Variants in NPHP4 observed in about 807,000 individuals in gnomAD.
The protein encoded by NPHP4 is nephrocystin 4, also known as nephrocystin-4.
In NPHP4, 151 loss-of-function variants were observed where a neutral mutation model predicts 155.8. The observed-to-expected ratio is 0.97, with a 90% CI of 0.85 to 1.11. The LOEUF (loss-of-function observed/expected upper bound fraction) is 1.11, where lower values mean the gene tolerates loss of function less well. NPHP4 is among the 50% of genes least tolerant of loss of function. NPHP4 has a pLI of 0.00. For synonymous variants in NPHP4, 845 were observed against 816.8 expected (o/e 1.03, Z -0.59); for missense variants, 1,956 against 1,925.7 (o/e 1.02, Z -0.29).
chr1:5,983,213 T>C (rs943133719), intron 2 of NPHP4, among the ~76,000 whole-genome samples: 2 of 152,222 alleles, frequency 1.3e-5, no homozygotes, highest in East Asian at 1.9e-4. Context: ...AATCTGAATA[T>C]AGTTCCCTTT....
intron 7 of NPHP4, among the ~76,000 whole-genome samples, chr1:5,948,824 A>C (rs978534834): frequency 1.3e-5 from 2 of 152,228 alleles, no homozygotes; most frequent in East Asian, 3.8e-4. Context: ...AAACAGAACC[A>C]GCCCCAAAGT....
chr1:5,985,450 G>A (rs1445214373), intron 2 of NPHP4, among the ~76,000 whole-genome samples: 1 of 152,220 alleles, frequency 6.6e-6, no homozygotes, highest in African/African-American at 2.4e-5. Context: ...CCAAGGCCGT[G>A]GTACATCCAG....
chr1:5,953,392 C>A (rs1570613533), intron 6 of NPHP4, among the ~76,000 whole-genome samples: 2 of 152,214 alleles, frequency 1.3e-5, no homozygotes, highest in Non-Finnish European at 2.9e-5. Flanking sequence ...GCGTGAGCCA[C>A]CACACCTGGC....
chr1:5,870,368 T>C (rs145224221), intron 23 of NPHP4, among the ~76,000 whole-genome samples: 11 of 152,220 alleles, frequency 7.2e-5, no homozygotes, highest in Non-Finnish European at 1.5e-4. Flanking sequence ...TTCATAAGGA[T>C]ATAAAAAGTA....
chr1:5,873,409 C>A, intron 22 of NPHP4, 74 bp from the exon 23 acceptor site: 1 of 1,178,168 alleles, frequency 8.5e-7, no homozygotes, highest in South Asian at 1.2e-5. Context: ...CTTAGAGACA[C>A]CACTGCCACC....
chr1:5,891,724 T>C (rs1270001077), intron 16 of NPHP4, among the ~76,000 whole-genome samples: 1 of 152,240 alleles, frequency 6.6e-6, no homozygotes, highest in Non-Finnish European at 1.5e-5. Context: ...CTATCAATAA[T>C]GGTGACAACA....
intron 3 of NPHP4, among the ~76,000 whole-genome samples, chr1:5,976,926 G>C (rs996375313): frequency 1.3e-5 from 2 of 152,136 alleles, no homozygotes; most frequent in Non-Finnish European, 2.9e-5. Context: ...TGGTTACCTA[G>C]AGTAACGTCT....
chr1:5,912,456 T>C (rs551100644), intron 11 of NPHP4, among the ~76,000 whole-genome samples: 6 of 144,916 alleles, frequency 4.1e-5, no homozygotes, highest in African/African-American at 1.5e-4. Context: ...GAGAATGGCG[T>C]GAACCCGGGA....
chr1:5,876,672 A>G, intron 20 of NPHP4: 1 of 160,268 alleles, frequency 6.2e-6, no homozygotes, highest in Non-Finnish European at 1.4e-5. Context: ...TCTTAGTAGC[A>G]AAATATTAAA....
Position 5,905,894 on chromosome 1 carries a change from C to T in NPHP4, c.1612-111G>A. 7.2e-6 allele frequency: 7 copies of T among 967,636 alleles called. No individual in the cohort carries two copies. The highest frequency in any genetic ancestry group is 1.1e-5 in the Non-Finnish European group (7 of 657,024). 59.9% of individuals were successfully genotyped at this position (967,636 alleles called of 1,614,324 possible). A position where few individuals can be genotyped will look rare whatever the true frequency, so the allele number is the denominator to read the frequency against. On this transcript the variant is annotated intron_variant, in intron 13 of 29. Coordinates refer to ENST00000378156, the MANE Select transcript of NPHP4 (RefSeq NM_015102.5). This position sits in a 1 kb window ranked among gnomAD's most constrained non-coding sequence, Gnocchi z 4.0. Reference sequence around the variant, plus strand: ...CGATTAATTGCCTCTGGAGGGTTGCCAGCTCTAGCAAATACAAAAGGTTCA... The same window carrying T: ...CGATTAATTGCCTCTGGAGGGTTGCTAGCTCTAGCAAATACAAAAGGTTCA...
intron 19 of NPHP4, among the ~76,000 whole-genome samples, chr1:5,877,730 T>C (rs926071743): frequency 2.0e-5 from 3 of 151,978 alleles, no homozygotes; most frequent in Non-Finnish European, 2.9e-5. Flanking sequence ...CTTCAGTGAG[T>C]GGGGGGCAGG....
chr1:5,988,113 A>G (rs1250240656), intron 1 of NPHP4, among the ~76,000 whole-genome samples: 7 of 152,262 alleles, frequency 4.6e-5, no homozygotes, highest in Non-Finnish European at 7.3e-5. Context: ...TCCTGCAAGA[A>G]GAAAACATCC....
Position 5,959,088 on chromosome 1 carries a change from C to A in NPHP4, c.673+2706G>T, listed in dbSNP as rs148701335. ...TTGCTGAGATACCTATCCTTTCTCT[C>A]CGAAAGGCGCATACGACCCTTACCT... On this transcript the variant is annotated intron_variant, in intron 6 of 29. Transcript: ENST00000378156. Among the ~76,000 whole-genome samples, 42 of 152,150 alleles carry A rather than the reference C, an allele frequency of 2.8e-4. No homozygotes were observed. In the East Asian group the frequency reaches 8.1e-3, roughly 29 times the overall value.
rs1570058481 is a variant in NPHP4, at chr1:5,867,060, G to A, written c.3528C>T (p.Asp1176=). Residue 1176 remains aspartate, a synonymous_variant, in exon 25 of 30, where the codon GAC becomes GAT. Coordinates refer to ENST00000378156, the MANE Select transcript of NPHP4 (RefSeq NM_015102.5). The surrounding 1 kb of genome is among the most constrained non-coding windows in gnomAD (Gnocchi z 4.1). ...TCTGGGTCTCACAGATGACGTTCGG[G>A]TCGCTGCAGCGAACATGGACTGGGG... ...EDPPVHVRCS[D]PNVICETQNV... is the part of the protein sequence containing the mutation. The A allele has an allele frequency of 6.2e-7, 1 of 1,613,122 alleles. No homozygotes were observed. Among genetic ancestry groups the A allele is most frequent in the Non-Finnish European group, 8.5e-7 (1 of 1,179,546 alleles).
rs1275555071 is a variant in NPHP4, at chr1:5,895,394, G to A, written c.2144-4366C>T. Among the ~76,000 whole-genome samples the A allele has an allele frequency of 2.0e-5, 3 of 152,250 alleles. No individual in the cohort carries two copies. The East Asian group carries it at 5.8e-4, about 29-fold the overall frequency. On this transcript the variant is annotated intron_variant, in intron 16 of 29. Coordinates refer to ENST00000378156, the MANE Select transcript of NPHP4 (RefSeq NM_015102.5). ...AGGTGCCTGTAGTCCCAGCTACTCA[G>A]GAGGCTGAGGCAGGAGAATCACTTG...
chr1:5,922,871 C>G (rs924989721), intron 11 of NPHP4, among the ~76,000 whole-genome samples: 1 of 151,012 alleles, frequency 6.6e-6, no homozygotes, highest in Non-Finnish European at 1.5e-5. Context: ...CGGTGGCACT[C>G]CCTGTAGTCC....
chr1:5,963,309 C>A (rs775925067), intron 5 of NPHP4, among the ~76,000 whole-genome samples: 1 of 151,842 alleles, frequency 6.6e-6, no homozygotes, highest in African/African-American at 2.4e-5. Context: ...GCAGGAGAAT[C>A]GCTTGAACCC....
At chr1:5,971,346 T>TCA (rs900357103) in intron 3 of NPHP4, among the ~76,000 whole-genome samples, 3 of 152,154 alleles carry the variant, frequency 2.0e-5, no homozygotes, top group African/African-American at 7.2e-5. Flanking sequence ...ATCAGAAGAG[T>TCA]CAGCCGCTCC....
At chr1:5,868,814 C>T (rs1641592564) in intron 23 of NPHP4, among the ~76,000 whole-genome samples, 1 of 112,726 alleles carries the variant, frequency 8.9e-6, no homozygotes, top group Non-Finnish European at 1.8e-5. Flanking sequence ...GCACACACAT[C>T]CACCCACACA....
Sources: allele counts gnomAD v4.1 joint callset (sites outside exome capture counted in the v4.1 genomes callset), GRCh38; gene constraint gnomAD v4.1.1; non-coding constraint Gnocchi (gnomAD v3.1); transcripts MANE v1.5; gene names NCBI Gene and HGNC (gene_info 2026-07-23, HGNC 2026-07-21).